ARHGAP24: variants seen among roughly 807,000 people sequenced by gnomAD.
ARHGAP24 encodes the protein rho GTPase-activating protein 24.
A neutral mutation model predicts 76.4 loss-of-function variants in ARHGAP24; 50 were observed. The observed-to-expected ratio is 0.65, with a 90% CI of 0.52 to 0.83. ARHGAP24 has a LOEUF of 0.83. Ranked by LOEUF, ARHGAP24 falls within the 40% of genes least tolerant of loss-of-function variation. ARHGAP24 has a pLI of 0.00. For missense variants in ARHGAP24, 930 were observed against 914.2 expected (o/e 1.02, Z -0.22); for synonymous variants, 345 against 323.3 (o/e 1.07, Z -0.72).
intron 2 of ARHGAP24, among the ~76,000 whole-genome samples, chr4:85,614,536 C>A (rs1720488463): frequency 1.3e-5 from 2 of 151,952 alleles, no homozygotes; most frequent in South Asian, 4.2e-4. Context: ...TTTGTTGACT[C>A]TTAAAAGTTT....
At position 85,890,718 on chromosome 4, in the gene ARHGAP24, G is replaced by A. The variant is rs72658294; in HGVS notation, c.269-32930G>A. ...GAGGTTGGCTTTGATAATGGGACTG[G>A]AAATGTGTTAGAAGCTAGACTGTTA... On this transcript the variant is annotated intron_variant, in intron 3 of 9. Coordinates refer to ENST00000395184, the MANE Select transcript of ARHGAP24 (RefSeq NM_001025616.3). Among the ~76,000 whole-genome samples the A allele has an allele frequency of 4.6e-3, 703 of 152,284 alleles. 4 individuals carry two copies. The highest frequency in any genetic ancestry group is 5.8e-3 in the Non-Finnish European group (395 of 68,018).
chr4:85,836,857 C>T (rs1730319147), intron 3 of ARHGAP24, among the ~76,000 whole-genome samples: 1 of 152,218 alleles, frequency 6.6e-6, no homozygotes. Context: ...CTCTTCTAGA[C>T]CTCCTGCATC....
intron 3 of ARHGAP24, among the ~76,000 whole-genome samples, chr4:85,768,465 G>A (rs767690117): frequency 6.6e-6 from 1 of 152,172 alleles, no homozygotes; most frequent in African/African-American, 2.4e-5. Flanking sequence ...ATAGCTGGGC[G>A]TGGTGGCTCA....
intron 3 of ARHGAP24, among the ~76,000 whole-genome samples, chr4:85,890,357 A>C (rs1036603180): frequency 6.6e-6 from 1 of 152,158 alleles, no homozygotes; most frequent in African/African-American, 2.4e-5. Context: ...TTGTGGCAGA[A>C]TTTTTGCTAG....
chr4:85,865,356 C>T (rs345348), intron 3 of ARHGAP24, among the ~76,000 whole-genome samples: 68,411 of 150,648 alleles, frequency 0.45, 15,939 homozygotes, highest in Non-Finnish European at 0.48. Flanking sequence ...TTTCAGTTCT[C>T]AGTTTAAAAC....
intron 1 of ARHGAP24, among the ~76,000 whole-genome samples, chr4:85,484,595 G>C (rs1275943119): frequency 1.3e-5 from 2 of 152,052 alleles, no homozygotes; most frequent in African/African-American, 2.4e-5. Context: ...TTTGTGCGTT[G>C]TGTGTAATGT....
Position 85,895,562 on chromosome 4 carries a change from A to G in ARHGAP24, c.269-28086A>G, listed in dbSNP as rs181782019. On this transcript the variant is annotated intron_variant, in intron 3 of 9. Transcript: ENST00000395184. ...AATATCTTTTGGGGGGAAAATTTCT[A>G]TTTTTTTGCAGCTATTGATGTTTCA... is the stretch of plus-strand genomic sequence containing the variant. Among the ~76,000 whole-genome samples, 711 of 152,058 alleles carry G rather than the reference A, an allele frequency of 4.7e-3. 2 individuals are homozygous for G. Among genetic ancestry groups the G allele is most frequent in the Admixed American group, 8.1e-3 (123 of 15,262 alleles).
At chr4:85,511,269 A>G (rs1312054543) in intron 1 of ARHGAP24, among the ~76,000 whole-genome samples, 2 of 152,100 alleles carry the variant, frequency 1.3e-5, no homozygotes, top group Non-Finnish European at 2.9e-5. Context: ...TTGAAAAATT[A>G]TATCTCTTCT....
intron 2 of ARHGAP24, among the ~76,000 whole-genome samples, chr4:85,617,520 A>C (rs914543789): frequency 6.6e-6 from 1 of 152,150 alleles, no homozygotes; most frequent in East Asian, 1.9e-4. Context: ...CAGTAAAAAT[A>C]TTTTTGAATT....
At chr4:85,526,239 G>A (rs1156516) in intron 1 of ARHGAP24, among the ~76,000 whole-genome samples, 18,287 of 151,620 alleles carry the variant, frequency 0.12, 3,100 homozygotes, top group African/African-American at 0.38. Flanking sequence ...GCAAAACTCC[G>A]TCTCTATAAA....
intron 3 of ARHGAP24, among the ~76,000 whole-genome samples, chr4:85,749,025 C>T (rs554953634): frequency 1.1e-3 from 160 of 152,228 alleles, no homozygotes; most frequent in Non-Finnish European, 2.1e-3. Context: ...ACAGGCATAC[C>T]GGATGGCTTT....
chr4:85,511,439 TTTATTTTATTTTA>T (rs527645748), intron 1 of ARHGAP24, among the ~76,000 whole-genome samples: 179 of 151,676 alleles, frequency 1.2e-3, no homozygotes, highest in East Asian at 9.7e-3. Flanking sequence ...CTGTCTTTAT[TTTATTTTATTTTA>T]TTATTTTATT....
At position 85,567,502 on chromosome 4, in the gene ARHGAP24, A is replaced by G. The variant is rs186468434; in HGVS notation, c.-20-3020A>G. ...TTGCAACTGGGTGTATCATGGTGTC[A>G]TTTACTAAGATCAGGTTTGGGGGAA... On this transcript the variant is annotated intron_variant, in intron 1 of 9. Coordinates refer to ENST00000395184, the MANE Select transcript of ARHGAP24 (RefSeq NM_001025616.3). Among the ~76,000 whole-genome samples, 28 of 152,288 alleles carry G rather than the reference A, an allele frequency of 1.8e-4. 1 individual carries two copies. Among genetic ancestry groups the G allele is most frequent in the Middle Eastern group, 6.8e-3 (2 of 294 alleles).
chr4:85,852,922 C>T (rs1003421725), intron 3 of ARHGAP24, among the ~76,000 whole-genome samples: 8 of 152,214 alleles, frequency 5.3e-5, no homozygotes, highest in Admixed American at 1.3e-4. Context: ...TTAGGCTACA[C>T]GGGGGTCAGG....
intron 3 of ARHGAP24, among the ~76,000 whole-genome samples, chr4:85,832,508 C>A (rs937703494): frequency 6.6e-6 from 1 of 152,190 alleles, no homozygotes; most frequent in Non-Finnish European, 1.5e-5. Context: ...ATGATTAATG[C>A]AGATTAACAC....
At chr4:85,803,127 A>G (rs1013324133) in intron 3 of ARHGAP24, among the ~76,000 whole-genome samples, 9 of 152,372 alleles carry the variant, frequency 5.9e-5, no homozygotes, top group Non-Finnish European at 8.8e-5. Flanking sequence ...GGCACACAGT[A>G]GGAGTTCAAC....
At chr4:85,989,584 AAAAGAG>A (rs1267005120) in intron 8 of ARHGAP24, among the ~76,000 whole-genome samples, 2 of 151,742 alleles carry the variant, frequency 1.3e-5, no homozygotes, top group Admixed American at 6.6e-5. Flanking sequence ...ACATTATAAG[AAAAGAG>A]AAATACAGAA....
chr4:85,903,372 T>G (rs1235764345), intron 3 of ARHGAP24, among the ~76,000 whole-genome samples: 3 of 152,176 alleles, frequency 2.0e-5, no homozygotes, highest in Non-Finnish European at 4.4e-5. Context: ...GAGCTTTTAG[T>G]TTTTTTGTTT....
chr4:85,865,832 G>A (rs1383400791), intron 3 of ARHGAP24, among the ~76,000 whole-genome samples: 4 of 151,736 alleles, frequency 2.6e-5, no homozygotes, highest in African/African-American at 9.7e-5. Context: ...AAAGTTAGCT[G>A]AATTCTTTAT....
Sources: gnomAD v4.1 joint callset for allele counts (sites outside exome capture counted in the v4.1 genomes callset) on GRCh38, gnomAD v4.1.1 for gene constraint, MANE v1.5 for transcripts, NCBI Gene and HGNC (gene_info 2026-07-23, HGNC 2026-07-21) for gene names.